ELMO1: variants seen among roughly 807,000 people sequenced by gnomAD.
ELMO1 encodes engulfment and cell motility protein 1.
A neutral mutation model predicts 98.9 loss-of-function variants in ELMO1; 26 were observed. That is an observed-to-expected ratio of 0.26 (90% confidence interval 0.19 to 0.36). The LOEUF is 0.36. ELMO1 is among the 10% of genes least tolerant of loss of function. ELMO1 has a pLI of 1.00. For missense variants in ELMO1, 627 were observed against 935.2 expected (o/e 0.67, Z 4.30); for synonymous variants, 346 against 346.0 (o/e 1.00, Z 0.00).
chr7:36,881,983 C>CT (rs1804502878), intron 18 of ELMO1, among the ~76,000 whole-genome samples: 1 of 152,232 alleles, frequency 6.6e-6, no homozygotes, highest in Non-Finnish European at 1.5e-5. Flanking sequence ...AAGCTTGGGG[C>CT]TGGTCCCTGG....
chr7:37,224,858 A>G, intron 9 of ELMO1, 21 bp downstream of exon 9: 1 of 1,612,116 alleles, frequency 6.2e-7, no homozygotes, highest in South Asian at 1.1e-5. Flanking sequence ...TCTCCTCCCC[A>G]GAGCATCTTG....
chr7:37,169,164 CTGGTGCGCCGTTTT>C (rs1204109136), intron 13 of ELMO1, among the ~76,000 whole-genome samples: 1 of 152,210 alleles, frequency 6.6e-6, no homozygotes, highest in Non-Finnish European at 1.5e-5. Context: ...ATATAATCTC[CTGGTGCGCCGTTTT>C]TTAAGCCTGT....
chr7:36,989,988 T>C (rs1327165996), intron 16 of ELMO1, among the ~76,000 whole-genome samples: 4 of 152,196 alleles, frequency 2.6e-5, no homozygotes, highest in Non-Finnish European at 5.9e-5. Flanking sequence ...CTTCATCTAT[T>C]TGAAAGCTAG....
At chr7:37,026,607 C>T (rs1794591829) in intron 15 of ELMO1, among the ~76,000 whole-genome samples, 2 of 152,092 alleles carry the variant, frequency 1.3e-5, no homozygotes, top group African/African-American at 2.4e-5. Context: ...GTGAATGCAC[C>T]CTAAATTCAA....
intron 6 of ELMO1, among the ~76,000 whole-genome samples, chr7:37,249,078 A>G (rs1795177042): frequency 6.6e-6 from 1 of 152,230 alleles, no homozygotes; most frequent in Non-Finnish European, 1.5e-5. Context: ...TCAATAAAAC[A>G]TACAAATCCA....
intron 6 of ELMO1, among the ~76,000 whole-genome samples, chr7:37,252,931 C>T (rs996611622): frequency 6.6e-6 from 1 of 152,210 alleles, no homozygotes; most frequent in Non-Finnish European, 1.5e-5. Context: ...TGAACAGACA[C>T]TTCTCAAAAG....
chr7:37,263,850 C>T (rs1330700423), intron 5 of ELMO1, among the ~76,000 whole-genome samples: 1 of 152,146 alleles, frequency 6.6e-6, no homozygotes, highest in East Asian at 1.9e-4. Context: ...TGTTCATGAG[C>T]ATGCAGAGCT....
In ELMO1 at chr7:37,211,652, G is replaced by A. The variant is rs546005531; in HGVS notation, c.955-135C>T. ...AGGCAAAAGAAAAACAGATAAAAGA[G>A]AACCAATGTTCTAAGTTAGGGCTTT... On this transcript the variant is annotated intron_variant, in intron 12 of 21. Transcript: ENST00000310758. 191 of 1,217,934 alleles carry A rather than the reference G, an allele frequency of 1.6e-4. 1 individual carries two copies. The highest frequency in any genetic ancestry group is 8.2e-4 in the South Asian group (52 of 63,354). 75.4% of individuals were successfully genotyped at this position (1,217,934 alleles called of 1,614,324 possible). A position where few individuals can be genotyped will look rare whatever the true frequency, so the allele number is the denominator to read the frequency against.
At position 37,012,594 on chromosome 7, in the gene ELMO1, T is replaced by C. The variant is rs560555349; in HGVS notation, c.1437+705A>G. On this transcript the variant is annotated intron_variant, in intron 16 of 21. Coordinates refer to ENST00000310758, the MANE Select transcript of ELMO1 (RefSeq NM_014800.11). ...AAGATTTTGCTTCTCTATGAAAGCATGGATAGTGCTTCTGCTCTAAGTTGG... is the reference window on the plus strand; with the variant it reads ...AAGATTTTGCTTCTCTATGAAAGCACGGATAGTGCTTCTGCTCTAAGTTGG... Among the ~76,000 whole-genome samples, 43 of 152,370 alleles carry C rather than the reference T, an allele frequency of 2.8e-4. 2 individuals are homozygous for C. The South Asian group carries it at 8.9e-3, about 32-fold the overall frequency.
At chr7:37,152,177 G>C (rs1788410505) in intron 13 of ELMO1, among the ~76,000 whole-genome samples, 1 of 152,238 alleles carries the variant, frequency 6.6e-6, no homozygotes, top group African/African-American at 2.4e-5. Context: ...ACCTCATGCA[G>C]TCATGGTTCC....
At chr7:36,909,354 A>G (rs1035917043) in intron 16 of ELMO1, among the ~76,000 whole-genome samples, 1 of 152,194 alleles carries the variant, frequency 6.6e-6, no homozygotes, top group Non-Finnish European at 1.5e-5. Context: ...GACATCTGAC[A>G]GGTGAAAACT....
At chr7:36,922,069 T>TGC (rs1785189919) in intron 16 of ELMO1, among the ~76,000 whole-genome samples, 1 of 152,232 alleles carries the variant, frequency 6.6e-6, no homozygotes, top group South Asian at 2.1e-4. Flanking sequence ...AAACAAAGTA[T>TGC]GGTATCTGTT....
intron 15 of ELMO1, among the ~76,000 whole-genome samples, chr7:37,074,409 A>G (rs553876030): frequency 5.3e-5 from 8 of 152,292 alleles, no homozygotes; most frequent in African/African-American, 1.9e-4. Flanking sequence ...AACAAATAAG[A>G]AATAACTCAT....
chr7:37,431,342 TAAAA>T (rs59912926), intron 1 of ELMO1, among the ~76,000 whole-genome samples: 1 of 132,438 alleles, frequency 7.6e-6, no homozygotes, highest in Non-Finnish European at 1.8e-5. Flanking sequence ...GTCTCTAAAA[TAAAA>T]AAAAATTAAT....
chr7:36,952,440 G>T (rs564680041), intron 16 of ELMO1, among the ~76,000 whole-genome samples: 17 of 152,272 alleles, frequency 1.1e-4, no homozygotes, highest in African/African-American at 4.1e-4. Context: ...CACAGTGAAA[G>T]AAGACACTAA....
intron 16 of ELMO1, among the ~76,000 whole-genome samples, chr7:36,949,906 G>A (rs1787827010): frequency 6.6e-6 from 1 of 152,144 alleles, no homozygotes; most frequent in African/African-American, 2.4e-5. Flanking sequence ...CACAGACAAT[G>A]CAAACATCTT....
chr7:36,933,362 G>C (rs369113392), intron 16 of ELMO1, among the ~76,000 whole-genome samples: 21 of 152,278 alleles, frequency 1.4e-4, no homozygotes, highest in African/African-American at 4.6e-4. Flanking sequence ...AAAAGTCCAG[G>C]TCATTTTCTA....
At chr7:37,002,430 T>C (rs1019854266) in intron 16 of ELMO1, among the ~76,000 whole-genome samples, 3 of 152,186 alleles carry the variant, frequency 2.0e-5, no homozygotes, top group African/African-American at 4.8e-5. Flanking sequence ...ATCTATCACA[T>C]TGGGGTGAGA....
At chr7:37,118,997 T>C (rs1785800326) in intron 14 of ELMO1, among the ~76,000 whole-genome samples, 1 of 152,224 alleles carries the variant, frequency 6.6e-6, no homozygotes, top group African/African-American at 2.4e-5. Flanking sequence ...GCTCTGGTAC[T>C]ACCTTAGCTG....
Sources: allele counts gnomAD v4.1 joint callset (sites outside exome capture counted in the v4.1 genomes callset), GRCh38; gene constraint gnomAD v4.1.1; transcripts MANE v1.5; gene names NCBI Gene and HGNC (gene_info 2026-07-23, HGNC 2026-07-21).